The following HAGH variants were observed in gnomAD, a reference collection of about 807,000 sequenced individuals.
The protein encoded by HAGH is hydroxyacylglutathione hydrolase.
Under a neutral mutation model 35.1 loss-of-function variants are expected in HAGH, and 29 were observed. That is an observed-to-expected ratio of 0.83 (90% confidence interval 0.62 to 1.13). HAGH has a LOEUF of 1.13. HAGH is among the 50% of genes most tolerant of loss of function. The pLI is 0.00. For missense variants in HAGH, 478 were observed against 419.6 expected (o/e 1.14, Z -1.22); for synonymous variants, 225 against 176.1 (o/e 1.28, Z -2.20).
chr16:1,819,810 G>T, intron 4 of HAGH, 87 bp downstream of exon 4: 1 of 829,330 alleles, frequency 1.2e-6, no homozygotes, highest in Admixed American at 1.8e-5. Context: ...ACTGGGGTAA[G>T]GGAGCAGAGA....
At chr16:1,818,790 G>A (rs755921753) in intron 5 of HAGH, 114 of 316,780 alleles carry the variant, frequency 3.6e-4, no homozygotes, top group Non-Finnish European at 6.0e-4. Context: ...ACGGCATCAA[G>A]GAACACAGCC....
chr16:1,818,347 G>A (rs1596927488), intron 5 of HAGH, among the ~76,000 whole-genome samples: 1 of 152,114 alleles, frequency 6.6e-6, no homozygotes, highest in Admixed American at 6.5e-5. Flanking sequence ...CCCTCACAGC[G>A]AGGCGCCCGT....
At chr16:1,826,867 G>T (rs1055182178), upstream of HAGH, 4 of 859,048 alleles carry the variant, frequency 4.7e-6, no homozygotes, top group African/African-American at 3.6e-5. Context: ...ATCAGCGCCC[G>T]CCTCGCGCTG....
intron 1 of HAGH, among the ~76,000 whole-genome samples, chr16:1,824,668 C>T (rs1041041309): frequency 1.3e-5 from 2 of 152,140 alleles, no homozygotes; most frequent in African/African-American, 2.4e-5. Flanking sequence ...CAGACACACG[C>T]GTCTCCAGGG....
At position 1,809,736 on chromosome 16, in the gene HAGH, A is replaced by C; in HGVS notation, c.827+18T>G. On this transcript the variant is annotated intron_variant, in intron 8 of 8. Coordinates refer to ENST00000397356, the MANE Select transcript of HAGH (RefSeq NM_005326.6). ...CAGAGGGGAGGGGCCCGCGCCCACC[A>C]CCTGCCCTGGGCCTCACCTCACTCT... is the stretch of plus-strand genomic sequence containing the variant. The C allele has an allele frequency of 6.3e-7, 1 of 1,582,790 alleles. No individual in the cohort carries two copies. Among genetic ancestry groups the C allele is most frequent in the Non-Finnish European group, 8.7e-7 (1 of 1,151,494 alleles).
Position 1,817,158 on chromosome 16 carries a change from C to T in HAGH, c.645+10G>A, listed in dbSNP as rs373338372. 138 of 1,570,304 alleles carry T rather than the reference C, an allele frequency of 8.8e-5. 1 individual carries two copies. Among genetic ancestry groups the T allele is most frequent in the Non-Finnish European group, 1.1e-4 (130 of 1,140,132 alleles). ...CCCCACACCCCGGCCCGCAGGGAGG[C>T]GCTGCCTACTGTGTCCGGGGGGAGC... On this transcript the variant is annotated intron_variant, in intron 6 of 8. Coordinates refer to ENST00000397356, the MANE Select transcript of HAGH (RefSeq NM_005326.6).
At chr16:1,823,354 G>T (rs149159) in intron 1 of HAGH, among the ~76,000 whole-genome samples, 1 of 149,342 alleles carries the variant, frequency 6.7e-6, no homozygotes, top group African/African-American at 2.5e-5. Flanking sequence ...TGCAAGCTCC[G>T]CCTCCCAGGT....
intron 7 of HAGH, among the ~76,000 whole-genome samples, chr16:1,812,860 C>T (rs541460712): frequency 6.6e-6 from 1 of 152,234 alleles, no homozygotes; most frequent in South Asian, 2.1e-4. Context: ...TCCTTTCAAA[C>T]GGCTGGCTCC....
At chr16:1,815,769 A>G (rs985889723) in intron 7 of HAGH, among the ~76,000 whole-genome samples, 1 of 152,110 alleles carries the variant, frequency 6.6e-6, no homozygotes, top group African/African-American at 2.4e-5. Context: ...CTGTAATCTC[A>G]GCACTTTGGG....
intron 1 of HAGH, 21 bp downstream of exon 1, chr16:1,826,691 G>C: frequency 9.8e-7 from 1 of 1,022,076 alleles, no homozygotes; most frequent in African/African-American, 1.7e-5. Flanking sequence ...CCCCCGGCCC[G>C]CACCGCCCCG....
At chr16:1,827,073 C>G, upstream of HAGH, 1 of 1,043,842 alleles carries the variant, frequency 9.6e-7, no homozygotes, top group Non-Finnish European at 1.4e-6. Flanking sequence ...ACAGTGGATC[C>G]CTGGAGGCCG....
At chr16:1,822,186 T>C (rs55791023) in intron 3 of HAGH, 114 bp downstream of exon 3, 54,107 of 713,138 alleles carry the variant, frequency 0.076, 2,404 homozygotes, top group African/African-American at 0.16. Flanking sequence ...TGCTGGGGGC[T>C]TGTCCTCACA....
chr16:1,814,507 G>A (rs541419084), intron 7 of HAGH, among the ~76,000 whole-genome samples: 7 of 150,092 alleles, frequency 4.7e-5, no homozygotes, highest in Admixed American at 1.3e-4. Flanking sequence ...CAAAAAATAA[G>A]TAAATGGAAC....
At chr16:1,823,381 T>C (rs1023900212) in intron 1 of HAGH, among the ~76,000 whole-genome samples, 7 of 151,714 alleles carry the variant, frequency 4.6e-5, no homozygotes, top group Non-Finnish European at 7.4e-5. Flanking sequence ...CGTTCTCCTG[T>C]CTCAGCCTCC....
intron 7 of HAGH, among the ~76,000 whole-genome samples, chr16:1,814,770 C>T (rs1267126295): frequency 1.3e-5 from 2 of 151,040 alleles, no homozygotes; most frequent in Admixed American, 6.6e-5. Flanking sequence ...TGGTGACGGG[C>T]ACCTGTAGTC....
chr16:1,826,638 G>A (rs1003459626), intron 1 of HAGH, 74 bp downstream of exon 1: 6 of 970,192 alleles, frequency 6.2e-6, no homozygotes, highest in African/African-American at 1.8e-5. Context: ...GTCGCCAAAC[G>A]ACGGCCCGGC....
At chr16:1,815,136 T>C (rs1897836971) in intron 7 of HAGH, among the ~76,000 whole-genome samples, 1 of 140,316 alleles carries the variant, frequency 7.1e-6, no homozygotes, top group South Asian at 2.3e-4. Context: ...ATCCACATTT[T>C]AAAGGCAGTG....
At chr16:1,819,019 C>A in intron 5 of HAGH, 96 bp downstream of exon 5, 1 of 764,842 alleles carries the variant, frequency 1.3e-6, no homozygotes, top group Non-Finnish European at 2.3e-6. Flanking sequence ...ACCGGTGCAA[C>A]AGAGAAGGCC....
At position 1,817,157 on chromosome 16, in the gene HAGH, G is replaced by A; in HGVS notation, c.645+11C>T. Reference sequence around the variant, plus strand: ...CCCCCACACCCCGGCCCGCAGGGAGGCGCTGCCTACTGTGTCCGGGGGGAG... The same window carrying A: ...CCCCCACACCCCGGCCCGCAGGGAGACGCTGCCTACTGTGTCCGGGGGGAG... On this transcript the variant is annotated intron_variant, in intron 6 of 8. Transcript: ENST00000397356. 6.4e-7 allele frequency: 1 copy of A among 1,569,262 alleles called. No individual in the cohort carries two copies. Among genetic ancestry groups the A allele is most frequent in the Non-Finnish European group, 8.8e-7 (1 of 1,139,024 alleles).
Sources: allele counts gnomAD v4.1 joint callset (sites outside exome capture counted in the v4.1 genomes callset), GRCh38; gene constraint gnomAD v4.1.1; transcripts MANE v1.5; gene names NCBI Gene and HGNC (gene_info 2026-07-23, HGNC 2026-07-21).